Variants in CTNNA3 observed in about 807,000 individuals in gnomAD.
CTNNA3 encodes catenin alpha 3, also known as catenin alpha-3.
A neutral mutation model predicts 95.7 loss-of-function variants in CTNNA3; 76 were observed. That is an observed-to-expected ratio of 0.79 (90% CI 0.66 to 0.96). CTNNA3 has a LOEUF of 0.96. CTNNA3 is among the 40% of genes least tolerant of loss of function. The probability of loss-of-function intolerance (pLI) is 0.00; values close to 1 mark genes in which losing one functional copy is unlikely to be tolerated. For synonymous variants in CTNNA3, 431 were observed against 374.4 expected (o/e 1.15, Z -1.74); for missense variants, 1,191 against 1,089.8 (o/e 1.09, Z -1.31).
chr10:66,957,630 A>G (rs1303859554), intron 7 of CTNNA3, among the ~76,000 whole-genome samples: 1 of 151,694 alleles, frequency 6.6e-6, no homozygotes, highest in African/African-American at 2.4e-5. Flanking sequence ...ATACACTCAA[A>G]AGGAGTGACT....
At chr10:66,388,150 T>C (rs899404651) in intron 11 of CTNNA3, among the ~76,000 whole-genome samples, 1 of 152,108 alleles carries the variant, frequency 6.6e-6, no homozygotes, top group African/African-American at 2.4e-5. Flanking sequence ...TTTCTTTTTT[T>C]AAAAACAAAT....
intron 17 of CTNNA3, among the ~76,000 whole-genome samples, chr10:65,956,357 T>G (rs914796543): frequency 6.6e-6 from 1 of 152,218 alleles, no homozygotes; most frequent in African/African-American, 2.4e-5. Context: ...ATTCATTGAA[T>G]TTTTGAAGGG....
intron 10 of CTNNA3, among the ~76,000 whole-genome samples, chr10:66,560,252 G>A (rs1842511746): frequency 6.6e-6 from 1 of 151,986 alleles, no homozygotes; most frequent in Admixed American, 6.6e-5. Context: ...TTCAGGTTTT[G>A]AATTTGGAGA....
At chr10:66,296,375 A>G (rs923006416) in intron 12 of CTNNA3, among the ~76,000 whole-genome samples, 1 of 152,164 alleles carries the variant, frequency 6.6e-6, no homozygotes, top group African/African-American at 2.4e-5. Context: ...TCACCATATT[A>G]AAATGACTAT....
At chr10:66,530,680 C>T (rs1429546488) in intron 10 of CTNNA3, among the ~76,000 whole-genome samples, 3 of 152,050 alleles carry the variant, frequency 2.0e-5, no homozygotes, top group African/African-American at 7.2e-5. Context: ...TCCAGGTTTA[C>T]AATTAATGAA....
At chr10:67,610,625 G>A (rs1248691316) in intron 2 of CTNNA3, among the ~76,000 whole-genome samples, 7 of 152,316 alleles carry the variant, frequency 4.6e-5, no homozygotes, top group East Asian at 3.9e-4. Context: ...ATAGGAGGGC[G>A]CTATTTGAAA....
chr10:66,817,252 T>A (rs945411931), intron 7 of CTNNA3, among the ~76,000 whole-genome samples: 20 of 151,686 alleles, frequency 1.3e-4, no homozygotes, highest in African/African-American at 4.3e-4. Flanking sequence ...CCAAATTTTT[T>A]AAAAAACAAG....
chr10:66,695,477 G>C (rs1440607039), intron 9 of CTNNA3, among the ~76,000 whole-genome samples: 1 of 152,138 alleles, frequency 6.6e-6, no homozygotes, highest in Non-Finnish European at 1.5e-5. Context: ...AATGAAATGA[G>C]AAAGTATATG....
chr10:66,318,261 G>GATATATATATATATATATATAT (rs1554932044), intron 12 of CTNNA3, among the ~76,000 whole-genome samples: 1 of 137,454 alleles, frequency 7.3e-6, no homozygotes, highest in South Asian at 2.5e-4. Flanking sequence ...GTTGCTGGGA[G>GATATATATATATATATATATAT]ATATATATAT....
chr10:66,432,902 G>T (rs2093308896), intron 11 of CTNNA3, among the ~76,000 whole-genome samples: 1 of 152,062 alleles, frequency 6.6e-6, no homozygotes, highest in South Asian at 2.1e-4. Flanking sequence ...TAGGGTGTTT[G>T]GTTTTCTGTT....
At chr10:66,393,407 T>C (rs1461757921) in intron 11 of CTNNA3, among the ~76,000 whole-genome samples, 1 of 152,122 alleles carries the variant, frequency 6.6e-6, no homozygotes, top group Non-Finnish European at 1.5e-5. Context: ...TCATCAATAG[T>C]AACAATAAAG....
intron 3 of CTNNA3, among the ~76,000 whole-genome samples, chr10:67,543,181 G>C (rs1318137723): frequency 6.6e-6 from 1 of 151,658 alleles, no homozygotes; most frequent in South Asian, 2.1e-4. Context: ...CTAAAAACGG[G>C]ATTTTTTTTA....
At chr10:66,254,838 C>T (rs1325208724) in intron 13 of CTNNA3, among the ~76,000 whole-genome samples, 1 of 152,162 alleles carries the variant, frequency 6.6e-6, no homozygotes, top group East Asian at 1.9e-4. Flanking sequence ...TGTCTCTGCC[C>T]TTGGGGCCGA....
At chr10:66,968,068 G>A (rs1314597421) in intron 7 of CTNNA3, among the ~76,000 whole-genome samples, 1 of 152,018 alleles carries the variant, frequency 6.6e-6, no homozygotes, top group Non-Finnish European at 1.5e-5. Flanking sequence ...CCACTTGGAA[G>A]TAGTTCTTTG....
chr10:66,755,646 A>G (rs1839335232), intron 9 of CTNNA3, among the ~76,000 whole-genome samples: 1 of 152,224 alleles, frequency 6.6e-6, no homozygotes, highest in Non-Finnish European at 1.5e-5. Flanking sequence ...CATGTGCCAT[A>G]TGACTCAGTA....
intron 9 of CTNNA3, among the ~76,000 whole-genome samples, chr10:66,718,151 T>G (rs1848512695): frequency 6.8e-6 from 1 of 146,992 alleles, no homozygotes; most frequent in Middle Eastern, 3.5e-3. Flanking sequence ...TTTTTTTTTC[T>G]GTTACTCATC....
intron 12 of CTNNA3, among the ~76,000 whole-genome samples, chr10:66,304,639 A>G (rs968243077): frequency 7.9e-5 from 12 of 152,156 alleles, no homozygotes; most frequent in African/African-American, 2.7e-4. Context: ...AAGAGGATTA[A>G]AAAAATAAAA....
At chr10:67,177,896 G>C (rs973913469) in intron 7 of CTNNA3, among the ~76,000 whole-genome samples, 3 of 152,136 alleles carry the variant, frequency 2.0e-5, no homozygotes, top group African/African-American at 7.2e-5. Context: ...ATTTTGATGT[G>C]ATATGTGTTT....
intron 1 of CTNNA3, among the ~76,000 whole-genome samples, chr10:67,715,466 A>C (rs1841137087): frequency 6.6e-6 from 1 of 152,134 alleles, no homozygotes; most frequent in African/African-American, 2.4e-5. Flanking sequence ...AGAGCAGCTA[A>C]TCAAAATGGC....
Sources: allele counts gnomAD v4.1 joint callset (sites outside exome capture counted in the v4.1 genomes callset), GRCh38; gene constraint gnomAD v4.1.1; transcripts MANE v1.5; gene names NCBI Gene and HGNC (gene_info 2026-07-23, HGNC 2026-07-21).